CNTN4: variants seen among roughly 807,000 people sequenced by gnomAD.
The protein encoded by CNTN4 is contactin-4.
CNTN4 carries 77 observed loss-of-function variants against 122.5 expected under a neutral mutation model. The observed-to-expected ratio is 0.63, with a 90% CI of 0.52 to 0.76. The LOEUF is 0.76. CNTN4 is among the 30% of genes least tolerant of loss of function. The pLI, the probability that CNTN4 is intolerant of heterozygous loss-of-function variation, is 0.00. For synonymous variants in CNTN4, 512 were observed against 447.0 expected (o/e 1.15, Z -1.83); for missense variants, 1,256 against 1,259.1 (o/e 1.00, Z 0.04).
At chr3:2,982,613 C>A (rs1025671501) in intron 13 of CNTN4, among the ~76,000 whole-genome samples, 2 of 152,150 alleles carry the variant, frequency 1.3e-5, no homozygotes, top group Non-Finnish European at 2.9e-5. Context: ...GCAATCCCAG[C>A]AGAAAGAGAT....
intron 14 of CNTN4, among the ~76,000 whole-genome samples, chr3:3,002,427 AAG>A (rs1441254390): frequency 6.6e-6 from 1 of 152,226 alleles, no homozygotes; most frequent in African/African-American, 2.4e-5. Flanking sequence ...TAGCTCAAAA[AAG>A]AGAGAAACAG....
chr3:2,296,033 C>G (rs2042298709), intron 2 of CNTN4, among the ~76,000 whole-genome samples: 1 of 152,088 alleles, frequency 6.6e-6, no homozygotes, highest in Non-Finnish European at 1.5e-5. Context: ...TTCCATTGAT[C>G]TATATCTCTG....
chr3:2,785,074 A>C (rs1427014841), intron 6 of CNTN4, among the ~76,000 whole-genome samples: 2 of 151,786 alleles, frequency 1.3e-5, no homozygotes, highest in South Asian at 2.1e-4. Flanking sequence ...GGGCAAGTAC[A>C]TGTGTTCTAT....
chr3:3,004,776 A>G (rs1696447213), intron 14 of CNTN4, among the ~76,000 whole-genome samples: 1 of 152,182 alleles, frequency 6.6e-6, no homozygotes, highest in African/African-American at 2.4e-5. Context: ...TGTCTGGCCA[A>G]ATGGCCGCAT....
chr3:2,152,886 C>T (rs1440499499), intron 2 of CNTN4, among the ~76,000 whole-genome samples: 4 of 152,276 alleles, frequency 2.6e-5, no homozygotes, highest in East Asian at 3.9e-4. Flanking sequence ...CTGGGGCAGA[C>T]GTTGCCCTCT....
At chr3:2,805,540 C>T (rs2092445950) in intron 6 of CNTN4, among the ~76,000 whole-genome samples, 2 of 152,162 alleles carry the variant, frequency 1.3e-5, no homozygotes, top group South Asian at 4.1e-4. Context: ...TATTGATAGC[C>T]TGGGTTTGAG....
At chr3:2,202,857 T>G (rs2038163684) in intron 2 of CNTN4, among the ~76,000 whole-genome samples, 1 of 152,072 alleles carries the variant, frequency 6.6e-6, no homozygotes, top group East Asian at 1.9e-4. Flanking sequence ...GGTGTCTTAC[T>G]CTGTCACCCA....
intron 2 of CNTN4, among the ~76,000 whole-genome samples, chr3:2,224,350 C>T (rs1008980642): frequency 3.3e-5 from 5 of 152,140 alleles, no homozygotes; most frequent in African/African-American, 9.7e-5. Context: ...GCACTGAGTT[C>T]CTAATAGGCA....
At chr3:2,296,026 C>A (rs1244521317) in intron 2 of CNTN4, among the ~76,000 whole-genome samples, 1 of 152,056 alleles carries the variant, frequency 6.6e-6, no homozygotes, top group East Asian at 1.9e-4. Flanking sequence ...TGTTCTGTTC[C>A]ATTGATCTAT....
In CNTN4 at chr3:2,469,607, G is replaced by A. The variant is rs188483865; in HGVS notation, c.-88-101809G>A. Among the ~76,000 whole-genome samples, 595 of 152,230 alleles carry A rather than the reference G, an allele frequency of 3.9e-3. 6 individuals carry two copies. The highest frequency in any genetic ancestry group is 5.7e-3 in the Non-Finnish European group (388 of 68,014). On this transcript the variant is annotated intron_variant, in intron 3 of 24. Transcript: ENST00000418658. ...TGGGTCAACTTAAAGCCTCATTTTGGGATTTATCAGAATATGCAATCTGCT... is the reference window on the plus strand; with the variant it reads ...TGGGTCAACTTAAAGCCTCATTTTGAGATTTATCAGAATATGCAATCTGCT...
At chr3:3,000,543 A>G (rs1350643752) in intron 14 of CNTN4, among the ~76,000 whole-genome samples, 2 of 152,260 alleles carry the variant, frequency 1.3e-5, no homozygotes, top group Non-Finnish European at 2.9e-5. Context: ...TTTTCAAACA[A>G]TTAGGCCATT....
At chr3:2,810,477 A>G (rs953759294) in intron 6 of CNTN4, among the ~76,000 whole-genome samples, 3 of 152,186 alleles carry the variant, frequency 2.0e-5, no homozygotes, top group African/African-American at 7.2e-5. Flanking sequence ...AAAGAGGAGA[A>G]TAACCTCCAA....
chr3:2,730,644 C>A (rs1456483852), intron 4 of CNTN4, among the ~76,000 whole-genome samples: 1 of 152,196 alleles, frequency 6.6e-6, no homozygotes, highest in Non-Finnish European at 1.5e-5. Context: ...CCTCTAGCTT[C>A]CTGCTTTATG....
chr3:2,136,846 T>C (rs1484568710), intron 2 of CNTN4, among the ~76,000 whole-genome samples: 3 of 152,214 alleles, frequency 2.0e-5, no homozygotes. Context: ...ATAATGTCTG[T>C]TCTTATCCAA....
chr3:2,571,270 T>C, intron 3 of CNTN4, 146 bp from the exon 4 acceptor site: 1 of 579,700 alleles, frequency 1.7e-6, no homozygotes, highest in Non-Finnish European at 3.1e-6. Flanking sequence ...TAGCTTTATA[T>C]TCATAATTTA....
intron 3 of CNTN4, among the ~76,000 whole-genome samples, chr3:2,557,261 G>A (rs1203504189): frequency 1.3e-5 from 2 of 152,160 alleles, no homozygotes; most frequent in East Asian, 1.9e-4. Flanking sequence ...CACAAACAAA[G>A]CAAAAATGCA....
chr3:2,850,008 G>A (rs1310447299), intron 7 of CNTN4, among the ~76,000 whole-genome samples: 2 of 112,440 alleles, frequency 1.8e-5, no homozygotes, highest in African/African-American at 6.6e-5. Flanking sequence ...TTTTTTTTCT[G>A]AGACGGAGTC....
chr3:2,101,462 A>AT (rs1177115241), intron 2 of CNTN4, among the ~76,000 whole-genome samples: 1 of 152,216 alleles, frequency 6.6e-6, no homozygotes, highest in East Asian at 1.9e-4. Flanking sequence ...TATCTTAAAA[A>AT]TTAATATTTT....
intron 7 of CNTN4, among the ~76,000 whole-genome samples, chr3:2,847,919 C>G (rs2093481594): frequency 6.6e-6 from 1 of 152,106 alleles, no homozygotes; most frequent in African/African-American, 2.4e-5. Flanking sequence ...GTGATTTGCC[C>G]AAGACCACAC....
Sources: allele counts gnomAD v4.1 joint callset (sites outside exome capture counted in the v4.1 genomes callset), GRCh38; gene constraint gnomAD v4.1.1; transcripts MANE v1.5; gene names NCBI Gene and HGNC (gene_info 2026-07-23, HGNC 2026-07-21).